CACNA1D: variants seen among roughly 807,000 people sequenced by gnomAD.
CACNA1D encodes voltage-dependent L-type calcium channel subunit alpha-1D.
Under a neutral mutation model 257.1 loss-of-function variants are expected in CACNA1D, and 55 were observed. The ratio of observed to expected loss-of-function variants is 0.21; its 90% CI spans 0.17 to 0.27. The LOEUF is 0.27. Ranked by LOEUF, CACNA1D falls within the 10% of genes least tolerant of loss-of-function variation. The probability of loss-of-function intolerance (pLI) is 1.00; values close to 1 mark genes in which losing one functional copy is unlikely to be tolerated. For synonymous variants in CACNA1D, 980 were observed against 1,014.9 expected, an observed-to-expected ratio of 0.97 and a Z score of 0.65; for missense variants, 1,876 against 2,784.0, an observed-to-expected ratio of 0.67 and a Z score of 7.34.
At chr3:53,676,280 C>G (rs1412066628) in intron 8 of CACNA1D, among the ~76,000 whole-genome samples, 2 of 152,152 alleles carry the variant, frequency 1.3e-5, no homozygotes, top group African/African-American at 2.4e-5. Context: ...GCCCCCTCGC[C>G]CTCCCAACCA....
chr3:53,805,069 T>C lies in CACNA1D; in HGVS notation c.5672T>C (p.Leu1891Ser). 1 of 1,614,188 alleles carries C rather than the reference T, an allele frequency of 6.2e-7. No homozygotes were observed. Among genetic ancestry groups the C allele is most frequent in the Non-Finnish European group, 8.5e-7 (1 of 1,180,036 alleles). The change falls in exon 45 of 48, where the codon TTG becomes TCG. Residue 1891 changes from leucine to serine, a missense_variant. Physicochemically the swap from Leu to Ser is moderately radical, Grantham distance 145 (BLOSUM62 -2). Coordinates refer to ENST00000350061, the MANE Select transcript of CACNA1D (RefSeq NM_001128840.3). ...GGCTACCATCATCCCCAAGGATTCT[T>C]GGAGGACGATGACTCGCCCGTTTGC... Reference protein sequence around the residue: ...PRGYHHPQGFLEDDDSPVCYD... With the variant: ...PRGYHHPQGFSEDDDSPVCYD...
intron 3 of CACNA1D, among the ~76,000 whole-genome samples, chr3:53,536,069 A>G (rs2092106534): frequency 6.6e-6 from 1 of 152,150 alleles, no homozygotes; most frequent in Admixed American, 6.5e-5. Flanking sequence ...TATAATGTAT[A>G]TGGTTGGACC....
intron 15 of CACNA1D, among the ~76,000 whole-genome samples, chr3:53,728,431 G>A (rs1454729293): frequency 4.6e-5 from 7 of 152,088 alleles, no homozygotes; most frequent in East Asian, 3.9e-4. Flanking sequence ...GAGCCACTGC[G>A]CCCGGCCTGT....
intron 29 of CACNA1D, 113 bp downstream of exon 29, chr3:53,753,795 TG>T (rs1417090000): frequency 5.4e-6 from 4 of 735,156 alleles, no homozygotes; most frequent in African/African-American, 5.2e-5. Context: ...GGCCGCTAAC[TG>T]GGTTACCACC....
intron 3 of CACNA1D, among the ~76,000 whole-genome samples, chr3:53,526,233 A>T (rs536716175): frequency 6.6e-6 from 1 of 152,262 alleles, no homozygotes; most frequent in Admixed American, 6.5e-5. Context: ...CGACCTGGGG[A>T]GGAGCCAACT....
At chr3:53,552,258 G>A (rs1424786353) in intron 3 of CACNA1D, among the ~76,000 whole-genome samples, 1 of 152,160 alleles carries the variant, frequency 6.6e-6, no homozygotes, top group Non-Finnish European at 1.5e-5. Flanking sequence ...TCAGGGCTTG[G>A]TTGACACCTC....
chr3:53,643,792 T>TA (rs2093989663), intron 3 of CACNA1D, among the ~76,000 whole-genome samples: 1 of 152,220 alleles, frequency 6.6e-6, no homozygotes, highest in East Asian at 1.9e-4. Flanking sequence ...CCTGTCCTCA[T>TA]ACCTTGTGCT....
chr3:53,745,310 G>A (rs1018452168), intron 23 of CACNA1D, among the ~76,000 whole-genome samples: 4 of 150,580 alleles, frequency 2.7e-5, no homozygotes, highest in Admixed American at 6.6e-5. Flanking sequence ...GTGTGATCTC[G>A]GCTCACTACA....
In CACNA1D at chr3:53,749,361, C is replaced by T; in HGVS notation, c.3408C>T (p.Ile1136=). 6.2e-7 allele frequency: 1 copy of T among 1,610,154 alleles called. No homozygotes were observed. The highest frequency in any genetic ancestry group is 8.5e-7 in the Non-Finnish European group (1 of 1,176,742). ...VEISIFFIIY[I]IIVAFFMMNI... ...TCTCCATCTTCTTCATCATCTACAT[C>T]ATCATTGTAGCTTTCTTCATGATGA... The change falls in exon 27 of 48, where the codon ATC becomes ATT. Residue 1136 remains isoleucine (I), a synonymous_variant. Transcript: ENST00000350061.
intron 3 of CACNA1D, among the ~76,000 whole-genome samples, chr3:53,588,475 G>C (rs557954249): frequency 6.6e-6 from 1 of 152,256 alleles, no homozygotes; most frequent in South Asian, 2.1e-4. Context: ...GTTTGGAGAC[G>C]GGAGATGCTC....
intron 22 of CACNA1D, 110 bp from the exon 23 acceptor site, chr3:53,744,630 C>T (rs1041089002): frequency 1.5e-4 from 119 of 782,910 alleles, no homozygotes; most frequent in Non-Finnish European, 2.3e-4. Flanking sequence ...ATGGATCCCA[C>T]GCTAACTGTG....
intron 3 of CACNA1D, among the ~76,000 whole-genome samples, chr3:53,636,755 A>G (rs1007895049): frequency 1.3e-5 from 2 of 152,238 alleles, no homozygotes; most frequent in African/African-American, 4.8e-5. Context: ...CTCCTCCATT[A>G]CAGTATACAT....
chr3:53,516,840 C>T (rs1003218898), intron 3 of CACNA1D, among the ~76,000 whole-genome samples: 2 of 152,152 alleles, frequency 1.3e-5, no homozygotes, highest in African/African-American at 4.8e-5. Flanking sequence ...AGCTAGGAGG[C>T]GTTAACTTAA....
At chr3:53,801,726 A>C (rs2095537218) in intron 42 of CACNA1D, among the ~76,000 whole-genome samples, 1 of 152,212 alleles carries the variant, frequency 6.6e-6, no homozygotes, top group Non-Finnish European at 1.5e-5. Context: ...ACTGTGCGAC[A>C]GGGGTTGGTG....
chr3:53,790,874 T>C, intron 40 of CACNA1D: 1 of 670,562 alleles, frequency 1.5e-6, no homozygotes, highest in Non-Finnish European at 2.7e-6. Flanking sequence ...AGCATGATTC[T>C]ACCTGAAGCC....
intron 30 of CACNA1D, 51 bp downstream of exon 30, chr3:53,762,132 G>T: frequency 9.0e-7 from 1 of 1,115,682 alleles, no homozygotes; most frequent in Admixed American, 1.7e-5. Flanking sequence ...TCCTCTGTCT[G>T]TGCATACTCC....
At chr3:53,648,671 T>C (rs756808557) in intron 3 of CACNA1D, among the ~76,000 whole-genome samples, 9 of 151,436 alleles carry the variant, frequency 5.9e-5, no homozygotes, top group Non-Finnish European at 1.2e-4. Context: ...CATGTAGCTG[T>C]ATGAAGGGCA....
At chr3:53,599,916 C>A (rs1258121371) in intron 3 of CACNA1D, among the ~76,000 whole-genome samples, 1 of 152,224 alleles carries the variant, frequency 6.6e-6, no homozygotes, top group Non-Finnish European at 1.5e-5. Context: ...TTTATATGTT[C>A]AGACAAACTA....
chr3:53,770,092 G>T (rs897267054), intron 31 of CACNA1D, 75 bp downstream of exon 31: 1 of 1,207,776 alleles, frequency 8.3e-7, no homozygotes, highest in Non-Finnish European at 1.2e-6. Context: ...TTTTCCACTG[G>T]TTTTTCTGTA....
Sources: gnomAD v4.1 joint callset for allele counts (sites outside exome capture counted in the v4.1 genomes callset) on GRCh38, gnomAD v4.1.1 for gene constraint, MANE v1.5 for transcripts, NCBI Gene and HGNC (gene_info 2026-07-23, HGNC 2026-07-21) for gene names.